The following PATJ variants were observed in gnomAD, a reference collection of about 807,000 sequenced individuals.
The protein encoded by PATJ is inaD-like protein.
In PATJ, 190 loss-of-function variants were observed where a neutral mutation model predicts 224.9. The observed-to-expected ratio is 0.84, with a 90% confidence interval of 0.75 to 0.95. The LOEUF is 0.95. Ranked by LOEUF, PATJ falls within the 40% of genes least tolerant of loss-of-function variation. The pLI is 0.00. For missense variants in PATJ, 2,121 were observed against 2,270.3 expected (o/e 0.93, Z 1.34); for synonymous variants, 769 against 820.3 (o/e 0.94, Z 1.07).
intron 13 of PATJ, among the ~76,000 whole-genome samples, chr1:61,806,341 C>T (rs539905698): frequency 1.3e-4 from 20 of 152,222 alleles, no homozygotes; most frequent in Non-Finnish European, 1.6e-4. Context: ...GAGTCAAGGC[C>T]GGGCGCGGTG....
rs1418341696 is a variant in PATJ, at chr1:62,084,559, A to G, written c.4288A>G (p.Ile1430Val). Residue 1430 changes from isoleucine to valine, a missense_variant, in exon 33 of 44, where the codon ATT (isoleucine) becomes GTT (valine). Physicochemically the swap from Ile to Val is conservative, Grantham distance 29. Coordinates refer to ENST00000642238, the MANE Select transcript of PATJ (RefSeq NM_001350145.3). ...GTCAGTGGACCCCGCAACGTGTCCC[A>G]TTGTCCCTGGACAGGAAATGATTAT... is the stretch of plus-strand genomic sequence containing the variant. ...PLSVDPATCPIVPGQEMIIEI... is the reference protein window; with the variant it reads ...PLSVDPATCPVVPGQEMIIEI... 8 of 1,613,272 alleles carry G rather than the reference A, an allele frequency of 5.0e-6. No individual in the cohort carries two copies. Among genetic ancestry groups the G allele is most frequent in the East Asian group, 2.2e-5 (1 of 44,876 alleles).
At chr1:61,805,588 C>T (rs997142212) in intron 13 of PATJ, 64 bp downstream of exon 13, 33 of 1,009,726 alleles carry the variant, frequency 3.3e-5, no homozygotes, top group Admixed American at 5.8e-5. Context: ...TCTAACAGTA[C>T]GATCCAAAGA....
In PATJ at chr1:61,994,209, A is replaced by G. The variant is rs565035494; in HGVS notation, c.3867+3845A>G. ...TCTTACTGTGCATCTGTCATATAGC[A>G]GGTGCTGTATGAACAAAGTGTAGAT... On this transcript the variant is annotated intron_variant, in intron 28 of 43. Transcript: ENST00000642238. Among the ~76,000 whole-genome samples, 5 of 152,354 alleles carry G rather than the reference A, an allele frequency of 3.3e-5. No homozygotes were observed. The South Asian group carries it at 1.0e-3, about 32-fold the overall frequency.
At position 61,765,066 on chromosome 1, in the gene PATJ, A is replaced by ATTTTTTTTTTTTTTTTTTTT. The variant is rs71582647; in HGVS notation, c.190-1199_190-1180dup. 2.1e-4 allele frequency among the ~76,000 whole-genome samples: 5 copies of ATTTTTTTTTTTTTTTTTTTT among 24,020 alleles called. 2 individuals are homozygous for ATTTTTTTTTTTTTTTTTTTT. Among genetic ancestry groups the ATTTTTTTTTTTTTTTTTTTT allele is most frequent in the African/African-American group, 2.8e-4 (2 of 7,068 alleles). 15.8% of individuals were successfully genotyped at this position (24,020 alleles called of 152,430 possible). A position where few individuals can be genotyped will look rare whatever the true frequency, so the allele number is the denominator to read the frequency against. On this transcript the variant is annotated intron_variant, in intron 3 of 43. Transcript: ENST00000642238. ...TTTCTTTGAGGTTTTATTGACATTC[A>ATTTTTTTTTTTTTTTTTTTT]TTTTTTTTTTTTTTTTTTTTTTTTT... is the stretch of plus-strand genomic sequence containing the variant.
intron 4 of PATJ, among the ~76,000 whole-genome samples, chr1:61,768,218 C>G (rs1235526413): frequency 6.6e-6 from 1 of 151,994 alleles, no homozygotes; most frequent in African/African-American, 2.4e-5. Flanking sequence ...GCCTGTAATC[C>G]CAGCACTTTG....
rs758048800 is a variant in PATJ, at chr1:61,990,297, TG to T, written c.3803del (p.Gly1268GlufsTer21). ...CGATCACGCATGAGCATATTTGTGG[TG>T]GGAATTAACCCGGAAGGACCTGCTG... ...KDRSRMSIFV[V>X]GINPEGPAAA... On this transcript the variant is annotated frameshift_variant, in exon 28 of 44. Transcript: ENST00000642238. LOFTEE classifies it high-confidence loss of function. The T allele has an allele frequency of 6.8e-6, 11 of 1,613,932 alleles. No individual in the cohort carries two copies. The Admixed American group carries it at 1.5e-4, about 22-fold the overall frequency.
intron 34 of PATJ, among the ~76,000 whole-genome samples, chr1:62,112,103 A>G (rs1246388702): frequency 6.6e-6 from 1 of 152,222 alleles, no homozygotes; most frequent in East Asian, 1.9e-4. Flanking sequence ...TCAGTTTTAA[A>G]TGGCAGTTCA....
chr1:61,779,299 T>A (rs1027366382), intron 7 of PATJ, among the ~76,000 whole-genome samples: 5 of 152,088 alleles, frequency 3.3e-5, no homozygotes, highest in African/African-American at 4.8e-5. Context: ...CCCAGACAAG[T>A]GTTGATGTTG....
At chr1:61,926,089 A>AAAT (rs1271118955) in intron 26 of PATJ, among the ~76,000 whole-genome samples, 1 of 152,204 alleles carries the variant, frequency 6.6e-6, no homozygotes, top group African/African-American at 2.4e-5. Flanking sequence ...GTCATTCAGC[A>AAAT]AATAGTTCAG....
chr1:61,931,752 C>T (rs537944857), intron 27 of PATJ, among the ~76,000 whole-genome samples: 32 of 152,214 alleles, frequency 2.1e-4, no homozygotes, highest in African/African-American at 7.2e-4. Flanking sequence ...TGACAGAGTG[C>T]GACTCTGTCT....
At chr1:62,069,747 C>G (rs1316066078) in intron 31 of PATJ, among the ~76,000 whole-genome samples, 1 of 152,192 alleles carries the variant, frequency 6.6e-6, no homozygotes, top group Non-Finnish European at 1.5e-5. Flanking sequence ...ATCTGTCTCA[C>G]TAGGTCTGTA....
intron 31 of PATJ, among the ~76,000 whole-genome samples, chr1:62,055,335 T>G (rs1354184644): frequency 3.9e-5 from 6 of 152,238 alleles, no homozygotes; most frequent in Non-Finnish European, 2.9e-5. Context: ...TAAACTTGTG[T>G]GCTTATAATG....
intron 14 of PATJ, among the ~76,000 whole-genome samples, chr1:61,809,390 T>TC (rs1200214593): frequency 5.4e-5 from 8 of 149,212 alleles, no homozygotes; most frequent in South Asian, 2.1e-4. Flanking sequence ...GTATTTTCTT[T>TC]TTTTTTTTTT....
intron 29 of PATJ, among the ~76,000 whole-genome samples, chr1:62,026,850 C>T (rs1023047777): frequency 6.6e-6 from 1 of 152,166 alleles, no homozygotes; most frequent in African/African-American, 2.4e-5. Context: ...CCCAGCAACT[C>T]TACTTGTGGA....
intron 23 of PATJ, among the ~76,000 whole-genome samples, chr1:61,900,593 CTTT>C (rs1670997526): frequency 6.6e-6 from 1 of 151,312 alleles, no homozygotes; most frequent in African/African-American, 2.4e-5. Context: ...CTTTTCTTTT[CTTT>C]TCTTTTTTTT....
Position 61,861,284 on chromosome 1 carries a change from C to CTTTTTTTTTTTTTTTTTTTTTT in PATJ, c.2323-265_2323-244dup. Among the ~76,000 whole-genome samples the CTTTTTTTTTTTTTTTTTTTTTT allele has an allele frequency of 2.8e-3, 137 of 48,854 alleles. 18 individuals carry two copies. Among genetic ancestry groups the CTTTTTTTTTTTTTTTTTTTTTT allele is most frequent in the Middle Eastern group, 0.016 (1 of 64 alleles). 32.1% of individuals were successfully genotyped at this position (48,854 alleles called of 152,430 possible). On this transcript the variant is annotated intron_variant, in intron 18 of 43. Coordinates refer to ENST00000642238, the MANE Select transcript of PATJ (RefSeq NM_001350145.3). Reference sequence around the variant, plus strand: ...TGAAACCAGGATATTTTCTTTCTTTCTTTTTTTTTTTTTTTTTTTTTTTAC... The same window carrying CTTTTTTTTTTTTTTTTTTTTTT: ...TGAAACCAGGATATTTTCTTTCTTTCTTTTTTTTTTTTTTTTTTTTTTTTTTTTTTTTTTTTTTTTTTTTTAC...
At chr1:61,898,990 G>A (rs1382282191) in intron 22 of PATJ, among the ~76,000 whole-genome samples, 1 of 151,974 alleles carries the variant, frequency 6.6e-6, no homozygotes, top group Admixed American at 6.6e-5. Context: ...ACCATGTTCA[G>A]TTCAGTAGTA....
At chr1:62,145,980 AAATG>A (rs1213036936) in intron 41 of PATJ, among the ~76,000 whole-genome samples, 1 of 152,118 alleles carries the variant, frequency 6.6e-6, no homozygotes, top group African/African-American at 2.4e-5. Context: ...ACAAATAAAT[AAATG>A]AAAGAAATAA....
chr1:61,974,405 C>CTTTTTTTTT (rs149825131), intron 27 of PATJ, among the ~76,000 whole-genome samples: 1 of 64,270 alleles, frequency 1.6e-5, no homozygotes, highest in Non-Finnish European at 2.7e-5. Flanking sequence ...CTCTCTCTCT[C>CTTTTTTTTT]TTTTTTTTTT....
Sources: gnomAD v4.1 joint callset for allele counts (sites outside exome capture counted in the v4.1 genomes callset) on GRCh38, gnomAD v4.1.1 for gene constraint, MANE v1.5 for transcripts, NCBI Gene and HGNC (gene_info 2026-07-23, HGNC 2026-07-21) for gene names.